TBXA2R: variants seen among roughly 807,000 people sequenced by gnomAD.
TBXA2R encodes prostanoid TP receptor.
In TBXA2R, 15 loss-of-function variants were observed where a neutral mutation model predicts 15.6. That is an observed-to-expected ratio of 0.96 (90% CI 0.64 to 1.48). The LOEUF (loss-of-function observed/expected upper bound fraction) is 1.48, where lower values mean the gene tolerates loss of function less well. Among genes scored for constraint, TBXA2R ranks in the 40% most tolerant of loss-of-function variants. The pLI is 0.00. For missense variants in TBXA2R, 506 were observed against 491.4 expected (o/e 1.03, Z -0.28); for synonymous variants, 280 against 241.2 (o/e 1.16, Z -1.49).
At chr19:3,604,028 C>T (rs1323496684) in intron 1 of TBXA2R, among the ~76,000 whole-genome samples, 1 of 152,182 alleles carries the variant, frequency 6.6e-6, no homozygotes, top group East Asian at 1.9e-4. Flanking sequence ...TGAATAACTC[C>T]AGAATTTTGC....
chr19:3,595,364 G>C lies in TBXA2R; in HGVS notation c.*324C>G. 1 of 1,379,778 alleles carries C rather than the reference G, an allele frequency of 7.2e-7. No homozygotes were observed. The highest frequency in any genetic ancestry group is 9.3e-7 in the Non-Finnish European group (1 of 1,072,412). 85.5% of individuals were successfully genotyped at this position (1,379,778 alleles called of 1,614,324 possible). A position where few individuals can be genotyped will look rare whatever the true frequency, so the allele number is the denominator to read the frequency against. On this transcript the variant is annotated 3_prime_UTR_variant, in exon 3 of 3. Coordinates refer to ENST00000375190, the MANE Select transcript of TBXA2R (RefSeq NM_001060.6). ...ACTGCACTCCAGCCTGGGGGACAGA[G>C]CAAGACTCCGTCTAAAAAAAAAAAT...
intron 1 of TBXA2R, among the ~76,000 whole-genome samples, chr19:3,605,068 G>A (rs2032804528): frequency 6.6e-6 from 1 of 152,182 alleles, no homozygotes; most frequent in South Asian, 2.1e-4. Flanking sequence ...AGGGTCCCCA[G>A]CCCACACAGT....
intron 1 of TBXA2R, among the ~76,000 whole-genome samples, chr19:3,604,846 T>C (rs2032800972): frequency 6.6e-6 from 1 of 152,186 alleles, no homozygotes. Context: ...GTGTCACCCC[T>C]GTCGGCCTTG....
chr19:3,600,772 G>T, intron 1 of TBXA2R, 55 bp from the exon 2 acceptor site: 1 of 939,446 alleles, frequency 1.1e-6, no homozygotes, highest in Non-Finnish European at 1.6e-6. Context: ...AGTGTAAGTA[G>T]CTCTGGTGAA....
At chr19:3,599,330 TTTTTTA>T (rs1267798147) in intron 2 of TBXA2R, among the ~76,000 whole-genome samples, 14 of 37,430 alleles carry the variant, frequency 3.7e-4, no homozygotes, top group African/African-American at 1.1e-3. Flanking sequence ...AATTTTTTTA[TTTTTTA>T]TTTTTTTTTT....
In TBXA2R at chr19:3,600,436, G is replaced by A. The variant is rs200877346; in HGVS notation, c.199C>T (p.Leu67Phe). The A allele has an allele frequency of 1.2e-6, 2 of 1,613,256 alleles. No homozygotes were observed. Among genetic ancestry groups the A allele is most frequent in the South Asian group, 2.2e-5 (2 of 91,078 alleles). ...AAGTCGGTGAGGACGAGGCCGCAGA[G>A]GAAGGTGAGGAAGGAGGAGCGCGTG... ...SHTRSSFLTFLCGLVLTDFLG... is the reference protein window; with the variant it reads ...SHTRSSFLTFFCGLVLTDFLG... Residue 67 changes from leucine (L) to phenylalanine (F), a missense_variant, in exon 2 of 3, where the codon CTC becomes TTC. By Grantham distance (22) the Leu-to-Phe change is conservative. Transcript: ENST00000375190.
intron 2 of TBXA2R, among the ~76,000 whole-genome samples, chr19:3,596,708 A>C (rs1468668813): frequency 2.0e-5 from 3 of 149,744 alleles, no homozygotes; most frequent in Non-Finnish European, 4.4e-5. Context: ...CAGCCTCCCG[A>C]GTAGCTGGGA....
rs745986396 is a variant in TBXA2R, at chr19:3,595,743, C to T, written c.977G>A (p.Arg326Gln). Residue 326 changes from arginine to glutamine, a missense_variant, in exon 3 of 3, where the codon CGG (arginine) becomes CAG (glutamine). By Grantham distance (43) the Arg-to-Gln change is conservative. Coordinates refer to ENST00000375190, the MANE Select transcript of TBXA2R (RefSeq NM_001060.6). ...GGGCTGGAGGGACAGCGACCTGGGCCGGGTGCTGAGGCGAGGCTGGAGACG... is the reference window on the plus strand; with the variant it reads ...GGGCTGGAGGGACAGCGACCTGGGCTGGGTGCTGAGGCGAGGCTGGAGACG... ...LRRLQPRLST[R>Q]PRSLSLQPQL... 4.4e-6 allele frequency: 7 copies of T among 1,604,654 alleles called. No homozygotes were observed. In the East Asian group the frequency reaches 6.7e-5, roughly 15 times the overall value.
At chr19:3,598,825 C>T (rs1440856391) in intron 2 of TBXA2R, among the ~76,000 whole-genome samples, 1 of 152,056 alleles carries the variant, frequency 6.6e-6, no homozygotes, top group East Asian at 1.9e-4. Context: ...TGCGCCACCA[C>T]GCCCGGCTAA....
At chr19:3,601,266 C>T (rs555384576) in intron 1 of TBXA2R, among the ~76,000 whole-genome samples, 7 of 152,000 alleles carry the variant, frequency 4.6e-5, no homozygotes, top group East Asian at 2.0e-4. Context: ...CAGTGGCTCA[C>T]GCCTCTTATC....
Position 3,600,050 on chromosome 19 carries a change from G to A in TBXA2R, c.585C>T (p.Ala195=). 6.2e-7 allele frequency: 1 copy of A among 1,612,706 alleles called. No homozygotes were observed. Reference sequence around the variant, plus strand: ...CCAGCATGGAGAAGAGCAGCCCGAAGGCCACGTCCCCGGACTCGGCGCCCA... The same window carrying A: ...CCAGCATGGAGAAGAGCAGCCCGAAAGCCACGTCCCCGGACTCGGCGCCCA... ...LTLGAESGDV[A]FGLLFSMLGG... Residue 195 remains alanine, a synonymous_variant, in exon 2 of 3, where the codon GCC becomes GCT. Transcript: ENST00000375190.
intron 1 of TBXA2R, among the ~76,000 whole-genome samples, chr19:3,606,141 A>G (rs375814565): frequency 2.0e-5 from 3 of 152,168 alleles, no homozygotes; most frequent in East Asian, 3.8e-4. Context: ...AGGGCCATGC[A>G]TGGTTCACTC....
At position 3,595,738 on chromosome 19, in the gene TBXA2R, T is replaced by C. The variant is rs778967737; in HGVS notation, c.982A>G (p.Arg328Gly). 3 of 1,603,722 alleles carry C rather than the reference T, an allele frequency of 1.9e-6. No individual in the cohort carries two copies. The highest frequency in any genetic ancestry group is 3.4e-5 in the Admixed American group (2 of 58,294). ...RLQPRLSTRP[R>G]SLSLQPQLTQ... ...AGCTGGGGCTGGAGGGACAGCGACCTGGGCCGGGTGCTGAGGCGAGGCTGG... is the reference window on the plus strand; with the variant it reads ...AGCTGGGGCTGGAGGGACAGCGACCCGGGCCGGGTGCTGAGGCGAGGCTGG... The change falls in exon 3 of 3, where the codon AGG becomes GGG. Residue 328 changes from arginine (R) to glycine (G), a missense_variant. Coordinates refer to ENST00000375190, the MANE Select transcript of TBXA2R (RefSeq NM_001060.6).
rs761086307 is a variant in TBXA2R at position 3,600,446 on chromosome 19, G to C, written c.189C>G (p.Phe63Leu). 4 of 1,613,010 alleles carry C rather than the reference G, an allele frequency of 2.5e-6. No homozygotes were observed. Among genetic ancestry groups the C allele is most frequent in the Non-Finnish European group, 3.4e-6 (4 of 1,179,720 alleles). The change falls in exon 2 of 3, where the codon TTC becomes TTG. Residue 63 changes from phenylalanine to leucine, a missense_variant. By Grantham distance (22) the Phe-to-Leu change is conservative. Coordinates refer to ENST00000375190, the MANE Select transcript of TBXA2R (RefSeq NM_001060.6). ...GGACGAGGCCGCAGAGGAAGGTGAG[G>C]AAGGAGGAGCGCGTGTGCGAACCCC... ...RQGGSHTRSS[F>L]LTFLCGLVLT... is the part of the protein sequence containing the mutation.
chr19:3,599,028 G>C (rs751821581), intron 2 of TBXA2R, among the ~76,000 whole-genome samples: 174 of 152,182 alleles, frequency 1.1e-3, no homozygotes, highest in Non-Finnish European at 1.8e-3. Context: ...AAACAAAATA[G>C]AGGCAAAAAT....
Position 3,594,723 on chromosome 19 carries a change from G to A in TBXA2R, c.*965C>T, listed in dbSNP as rs945582250. ...TCCCAGCCCTGCCCTCGTCTGCTCC[G>A]GGTGAGGCCCAATGCACAAACTCCA... On this transcript the variant is annotated 3_prime_UTR_variant, in exon 3 of 3. Coordinates refer to ENST00000375190, the MANE Select transcript of TBXA2R (RefSeq NM_001060.6). 1.8e-5 allele frequency: 16 copies of A among 902,032 alleles called. No individual in the cohort carries two copies. Among genetic ancestry groups the A allele is most frequent in the Non-Finnish European group, 2.3e-5 (14 of 609,114 alleles). 55.9% of individuals were successfully genotyped at this position (902,032 alleles called of 1,614,324 possible). A position where few individuals can be genotyped will look rare whatever the true frequency, so the allele number is the denominator to read the frequency against.
chr19:3,605,250 G>A (rs958985266), intron 1 of TBXA2R, among the ~76,000 whole-genome samples: 1 of 152,202 alleles, frequency 6.6e-6, no homozygotes, highest in Non-Finnish European at 1.5e-5. Context: ...GGCGGGACCC[G>A]GGAGGTGCAG....
At chr19:3,602,979 T>G (rs377498347) in intron 1 of TBXA2R, among the ~76,000 whole-genome samples, 12 of 149,720 alleles carry the variant, frequency 8.0e-5, no homozygotes, top group African/African-American at 3.0e-4. Flanking sequence ...GAGCTTGCAG[T>G]GAGCTGAGAT....
intron 1 of TBXA2R, among the ~76,000 whole-genome samples, chr19:3,601,050 G>A (rs1293441435): frequency 1.3e-5 from 2 of 150,904 alleles, no homozygotes; most frequent in Non-Finnish European, 2.9e-5. Context: ...CACCGTGCCC[G>A]GCCTTTTCCT....
Sources: gnomAD v4.1 joint callset for allele counts (sites outside exome capture counted in the v4.1 genomes callset) on GRCh38, gnomAD v4.1.1 for gene constraint, MANE v1.5 for transcripts, NCBI Gene and HGNC (gene_info 2026-07-23, HGNC 2026-07-21) for gene names.